Variants in VPS13B observed in about 807,000 individuals in gnomAD.
VPS13B encodes vacuolar protein sorting 13 homolog B.
A neutral mutation model predicts 426.4 loss-of-function variants in VPS13B; 285 were observed. The observed-to-expected ratio is 0.67, with a 90% CI of 0.61 to 0.74. VPS13B has a LOEUF of 0.74. Ranked by LOEUF, VPS13B falls within the 30% of genes least tolerant of loss-of-function variation. VPS13B has a pLI of 0.00. For synonymous variants in VPS13B, 1,676 were observed against 1,676.4 expected (o/e 1.00, Z 0.01); for missense variants, 4,537 against 4,782.6 (o/e 0.95, Z 1.51).
intron 31 of VPS13B, among the ~76,000 whole-genome samples, chr8:99,560,630 A>T (rs1824862056): frequency 6.6e-6 from 1 of 152,212 alleles, no homozygotes; most frequent in Non-Finnish European, 1.5e-5. Context: ...ACAGCCAGCC[A>T]GGGTAAATTT....
intron 21 of VPS13B, among the ~76,000 whole-genome samples, chr8:99,414,602 A>G (rs1362324524): frequency 6.6e-6 from 1 of 152,128 alleles, no homozygotes; most frequent in African/African-American, 2.4e-5. Flanking sequence ...AAGCTCTTGT[A>G]AGTCAGGCCC....
chr8:99,690,043 G>C (rs1009139268), intron 35 of VPS13B, among the ~76,000 whole-genome samples: 6 of 151,012 alleles, frequency 4.0e-5, no homozygotes, highest in African/African-American at 1.5e-4. Flanking sequence ...TTTTTTTATT[G>C]TTGTTAAAGG....
chr8:99,256,736 G>GT (rs372484986), intron 17 of VPS13B, among the ~76,000 whole-genome samples: 20 of 152,042 alleles, frequency 1.3e-4, no homozygotes, highest in African/African-American at 3.4e-4. Flanking sequence ...TTTGAAGTGG[G>GT]TTTTTTTGTT....
intron 19 of VPS13B, among the ~76,000 whole-genome samples, chr8:99,287,313 AGATAC>A (rs1451594970): frequency 6.6e-6 from 1 of 152,014 alleles, no homozygotes; most frequent in Non-Finnish European, 1.5e-5. Context: ...ATAGATAGAT[AGATAC>A]ATCTCCTTAT....
chr8:99,027,558 C>T (rs1842204610), intron 2 of VPS13B, among the ~76,000 whole-genome samples: 1 of 151,538 alleles, frequency 6.6e-6, no homozygotes, highest in Non-Finnish European at 1.5e-5. Flanking sequence ...TAAATTACCT[C>T]ATTTTTTGCT....
intron 2 of VPS13B, among the ~76,000 whole-genome samples, chr8:99,024,784 G>A (rs1842055587): frequency 6.6e-6 from 1 of 152,180 alleles, no homozygotes; most frequent in South Asian, 2.1e-4. Flanking sequence ...GTTATTCAGA[G>A]TCTAGTAGCC....
chr8:99,674,050 T>C (rs1033638571), intron 35 of VPS13B, among the ~76,000 whole-genome samples: 1 of 152,082 alleles, frequency 6.6e-6, no homozygotes, highest in African/African-American at 2.4e-5. Context: ...TTAAGCAGAA[T>C]GTGAATTCTG....
intron 26 of VPS13B, among the ~76,000 whole-genome samples, chr8:99,502,457 C>T (rs564214210): frequency 3.4e-4 from 52 of 152,208 alleles, no homozygotes; most frequent in African/African-American, 1.1e-3. Flanking sequence ...TAAAGGTTTA[C>T]GTGTACATAT....
chr8:99,020,377 G>C (rs1320448654), intron 2 of VPS13B, among the ~76,000 whole-genome samples: 1 of 152,000 alleles, frequency 6.6e-6, no homozygotes, highest in Admixed American at 6.6e-5. Context: ...TATGTATTGT[G>C]GATATCAATC....
At chr8:99,311,508 A>G (rs1820972181) in intron 19 of VPS13B, among the ~76,000 whole-genome samples, 1 of 152,128 alleles carries the variant, frequency 6.6e-6, no homozygotes, top group Non-Finnish European at 1.5e-5. Context: ...CCCGAGTTCT[A>G]GTTTGATTGC....
chr8:99,401,474 T>C lies in VPS13B; in HGVS notation c.3082+9770T>C, dbSNP rs868192707. On this transcript the variant is annotated intron_variant, in intron 21 of 61. Coordinates refer to ENST00000357162, the MANE Select transcript of VPS13B (RefSeq NM_152564.5). ...AAGAGCCCTTGGCAATTCTTTCTTG[T>C]TGTTGAGTGTTCCTGTTCCTTTGTA... Among the ~76,000 whole-genome samples the C allele has an allele frequency of 2.0e-5, 3 of 152,220 alleles. No individual in the cohort carries two copies. The South Asian group carries it at 6.2e-4, about 31-fold the overall frequency.
chr8:99,115,689 T>A lies in VPS13B; in HGVS notation c.763-11T>A. ...TGCGTTTGTTGGTGTTATGTCTTTT[T>A]CAAAATGCAGATTCATACTTTAGTG... On this transcript the variant is annotated splice_polypyrimidine_tract_variant and intron_variant, in intron 6 of 61. Transcript: ENST00000357162. 6.2e-7 allele frequency: 1 copy of A among 1,612,186 alleles called. No individual in the cohort carries two copies. The highest frequency in any genetic ancestry group is 8.5e-7 in the Non-Finnish European group (1 of 1,179,190).
chr8:99,532,900 AT>A (rs945158612), intron 30 of VPS13B, among the ~76,000 whole-genome samples: 1 of 146,826 alleles, frequency 6.8e-6, no homozygotes, highest in African/African-American at 2.5e-5. Context: ...TCTAAAATGT[AT>A]TTTAATTTTT....
At chr8:99,448,139 T>TTATG (rs1303526711) in intron 23 of VPS13B, among the ~76,000 whole-genome samples, 2 of 149,356 alleles carry the variant, frequency 1.3e-5, no homozygotes, top group Non-Finnish European at 3.0e-5. Flanking sequence ...ATTTATTTAT[T>TTATG]TATTTATTTA....
intron 30 of VPS13B, among the ~76,000 whole-genome samples, chr8:99,530,462 A>G (rs1043036000): frequency 6.6e-6 from 1 of 152,004 alleles, no homozygotes; most frequent in African/African-American, 2.4e-5. Context: ...TAAAAATACA[A>G]AAGCTAGCAG....
chr8:99,747,872 G>A (rs577064556), intron 39 of VPS13B, among the ~76,000 whole-genome samples: 1 of 151,792 alleles, frequency 6.6e-6, no homozygotes, highest in South Asian at 2.1e-4. Context: ...GGGCGGCAGG[G>A]TCAGGAGAAG....
chr8:99,442,513 C>T lies in VPS13B; in HGVS notation c.3323C>T (p.Thr1108Ile). The T allele has an allele frequency of 6.2e-7, 1 of 1,613,964 alleles. No homozygotes were observed. Among genetic ancestry groups the T allele is most frequent in the Non-Finnish European group, 8.5e-7 (1 of 1,179,918 alleles). The part of the protein sequence containing the change: ...GTVRSWYHGQ[T>I]SMPGTLVLCL... ...GTAAGAAGTTGGTACCATGGACAAA[C>T]CAGCATGCCGGGAACACTTGTCCTC... Residue 1108 changes from threonine to isoleucine, a missense_variant, in exon 23 of 62, where the codon ACC becomes ATC. By Grantham distance (89) the Thr-to-Ile change is moderately conservative. This residue lies in a region of VPS13B where 4,311 missense variants were observed against 4,474.3 expected (regional missense o/e 0.96). Transcript: ENST00000357162.
intron 33 of VPS13B, among the ~76,000 whole-genome samples, chr8:99,587,467 C>T (rs1435123817): frequency 1.3e-5 from 2 of 151,706 alleles, no homozygotes; most frequent in African/African-American, 4.9e-5. Flanking sequence ...TATTTCTCCA[C>T]ATCCTCCCCA....
intron 39 of VPS13B, among the ~76,000 whole-genome samples, chr8:99,735,487 C>T (rs993834936): frequency 1.3e-5 from 2 of 152,038 alleles, no homozygotes; most frequent in African/African-American, 2.4e-5. Context: ...ACTGGAATGT[C>T]GCAACTACAA....
Sources: gnomAD v4.1 joint callset for allele counts (sites outside exome capture counted in the v4.1 genomes callset) on GRCh38, gnomAD v4.1.1 for gene constraint, gnomAD v4.1.1 regional missense constraint, MANE v1.5 for transcripts, NCBI Gene and HGNC (gene_info 2026-07-23, HGNC 2026-07-21) for gene names.